The following ASTN2 variants were observed in gnomAD, a reference collection of about 807,000 sequenced individuals.
ASTN2 encodes the protein astrotactin 2.
A neutral mutation model predicts 139.8 loss-of-function variants in ASTN2; 54 were observed. The ratio of observed to expected loss-of-function variants is 0.39; its 90% confidence interval spans 0.31 to 0.48. The LOEUF is 0.48. Among genes scored for constraint, ASTN2 ranks in the 20% least tolerant of loss-of-function variants. ASTN2 has a pLI of 0.95. For synonymous variants in ASTN2, 756 were observed against 719.5 expected (o/e 1.05, Z -0.81); for missense variants, 1,565 against 1,725.1 (o/e 0.91, Z 1.64).
At position 116,911,070 on chromosome 9, in the gene ASTN2, T is replaced by C. The variant is rs1468243377; in HGVS notation, c.1890-47337A>G. 2.0e-5 allele frequency among the ~76,000 whole-genome samples: 3 copies of C among 152,358 alleles called. No homozygotes were observed. In the East Asian group the frequency reaches 5.8e-4, roughly 29 times the overall value. ...AGTCCTTCTTCTTCTTTTGTGATTCTGTGATTTTTATAGCAAAGCAACCTG... is the reference window on the plus strand; with the variant it reads ...AGTCCTTCTTCTTCTTTTGTGATTCCGTGATTTTTATAGCAAAGCAACCTG... On this transcript the variant is annotated intron_variant, in intron 10 of 22. Coordinates refer to ENST00000313400, the MANE Select transcript of ASTN2 (RefSeq NM_001365068.1).
At chr9:116,749,347 G>A (rs1829337561) in intron 13 of ASTN2, among the ~76,000 whole-genome samples, 1 of 152,154 alleles carries the variant, frequency 6.6e-6, no homozygotes. Flanking sequence ...TGCCCTGACA[G>A]CATGCACAAT....
intron 13 of ASTN2, among the ~76,000 whole-genome samples, chr9:116,756,845 A>C (rs1475021761): frequency 1.3e-5 from 2 of 151,780 alleles, no homozygotes; most frequent in Non-Finnish European, 2.9e-5. Context: ...GCTATTTTGC[A>C]CTAAAGGAAA....
intron 5 of ASTN2, among the ~76,000 whole-genome samples, chr9:117,044,858 T>G (rs1035985668): frequency 6.6e-6 from 1 of 152,202 alleles, no homozygotes; most frequent in African/African-American, 2.4e-5. Context: ...TGGCAAAGAA[T>G]TATCTCATTG....
At chr9:116,495,841 G>A (rs550095203) in intron 19 of ASTN2, among the ~76,000 whole-genome samples, 1 of 152,034 alleles carries the variant, frequency 6.6e-6, no homozygotes, top group Non-Finnish European at 1.5e-5. Flanking sequence ...GAATTCACGG[G>A]GTATCTCCAG....
intron 3 of ASTN2, among the ~76,000 whole-genome samples, chr9:117,163,917 T>C (rs1162998142): frequency 6.6e-6 from 1 of 152,106 alleles, no homozygotes. Context: ...CATATTTGTA[T>C]AACTTATGAC....
chr9:117,270,101 G>C (rs1007285080), intron 2 of ASTN2, among the ~76,000 whole-genome samples: 2 of 152,134 alleles, frequency 1.3e-5, no homozygotes, highest in Admixed American at 6.5e-5. Flanking sequence ...CACATTACTA[G>C]CTGTGCGAGT....
intron 20 of ASTN2, among the ~76,000 whole-genome samples, chr9:116,474,667 G>A (rs1448971269): frequency 6.6e-6 from 1 of 152,160 alleles, no homozygotes; most frequent in Non-Finnish European, 1.5e-5. Flanking sequence ...GGAAAAGTTA[G>A]GAAGCCTGGC....
At chr9:116,505,861 T>C (rs1025146836) in intron 19 of ASTN2, among the ~76,000 whole-genome samples, 3 of 152,108 alleles carry the variant, frequency 2.0e-5, no homozygotes, top group African/African-American at 7.2e-5. Context: ...ACATCCTCAG[T>C]CTGGAGCAGT....
chr9:117,189,839 G>A (rs1831300902), intron 3 of ASTN2, among the ~76,000 whole-genome samples: 1 of 152,144 alleles, frequency 6.6e-6, no homozygotes, highest in Non-Finnish European at 1.5e-5. Context: ...AAAGAGAGTG[G>A]TATCCTTTCC....
At chr9:117,189,970 T>C (rs937174779) in intron 3 of ASTN2, among the ~76,000 whole-genome samples, 8 of 152,208 alleles carry the variant, frequency 5.3e-5, no homozygotes, top group African/African-American at 1.7e-4. Context: ...AGTGAATCCA[T>C]TGTTCCTGTA....
chr9:117,239,416 C>G (rs1421705866), intron 2 of ASTN2, among the ~76,000 whole-genome samples: 1 of 152,200 alleles, frequency 6.6e-6, no homozygotes, highest in East Asian at 1.9e-4. Context: ...TTCCCCTTCT[C>G]TCTCTATAAA....
At chr9:117,233,424 C>T (rs1832954049) in intron 2 of ASTN2, among the ~76,000 whole-genome samples, 1 of 152,126 alleles carries the variant, frequency 6.6e-6, no homozygotes, top group South Asian at 2.1e-4. Context: ...CCCTGACTCC[C>T]AGGGTGGTTG....
intron 5 of ASTN2, among the ~76,000 whole-genome samples, chr9:117,042,627 T>C (rs1478661967): frequency 6.6e-6 from 1 of 151,790 alleles, no homozygotes; most frequent in African/African-American, 2.4e-5. Flanking sequence ...TTCATACATA[T>C]TTATAATATT....
intron 5 of ASTN2, among the ~76,000 whole-genome samples, chr9:117,052,853 A>G (rs1009813403): frequency 6.6e-5 from 10 of 152,222 alleles, no homozygotes; most frequent in African/African-American, 2.4e-4. Flanking sequence ...TGGTCATGCG[A>G]TTCAAAACTG....
At chr9:116,822,461 C>G (rs1340130481) in intron 11 of ASTN2, among the ~76,000 whole-genome samples, 1 of 152,172 alleles carries the variant, frequency 6.6e-6, no homozygotes, top group Non-Finnish European at 1.5e-5. Context: ...TCTGAACATT[C>G]ACTGTCAGAC....
intron 10 of ASTN2, among the ~76,000 whole-genome samples, chr9:116,899,460 C>T (rs1212727346): frequency 1.3e-5 from 2 of 152,092 alleles, no homozygotes; most frequent in Non-Finnish European, 2.9e-5. Flanking sequence ...AATTTCCTCC[C>T]CACAAAATAA....
intron 1 of ASTN2, among the ~76,000 whole-genome samples, chr9:117,294,599 C>T (rs1004510637): frequency 1.3e-5 from 2 of 152,210 alleles, no homozygotes; most frequent in African/African-American, 2.4e-5. Context: ...GAGACATAGC[C>T]TTGCCTTCAG....
chr9:117,077,912 C>A (rs1049597173), intron 5 of ASTN2, among the ~76,000 whole-genome samples: 3 of 152,212 alleles, frequency 2.0e-5, no homozygotes, highest in Non-Finnish European at 4.4e-5. Flanking sequence ...ATTTTGCTTG[C>A]ATTCATCTAA....
chr9:116,975,565 G>A (rs992342672), intron 9 of ASTN2, among the ~76,000 whole-genome samples: 1 of 152,184 alleles, frequency 6.6e-6, no homozygotes, highest in Non-Finnish European at 1.5e-5. Context: ...GTGTTGCTAA[G>A]TTCCTTTTCC....
Sources: allele counts gnomAD v4.1 joint callset (sites outside exome capture counted in the v4.1 genomes callset), GRCh38; gene constraint gnomAD v4.1.1; transcripts MANE v1.5; gene names NCBI Gene and HGNC (gene_info 2026-07-23, HGNC 2026-07-21).